The following ARHGEF1 variants were observed in gnomAD, a reference collection of about 807,000 sequenced individuals.
ARHGEF1 encodes the protein Rho guanine nucleotide exchange factor 1, also known as 115 kDa guanine nucleotide exchange factor.
ARHGEF1 carries 40 observed loss-of-function variants against 119.7 expected under a neutral mutation model. The ratio of observed to expected loss-of-function variants is 0.33; its 90% confidence interval spans 0.26 to 0.44. ARHGEF1 has a LOEUF of 0.44. Among genes scored for constraint, ARHGEF1 ranks in the 20% least tolerant of loss-of-function variants. The pLI, the probability that ARHGEF1 is intolerant of heterozygous loss-of-function variation, is 1.00. For synonymous variants in ARHGEF1, 494 were observed against 521.0 expected (o/e 0.95, Z 0.71); for missense variants, 976 against 1,268.3 (o/e 0.77, Z 3.50).
At chr19:41,919,454 ACT>A (rs2145901919), upstream of ARHGEF1, among the ~76,000 whole-genome samples, 1 of 151,828 alleles carries the variant, frequency 6.6e-6, no homozygotes, top group Non-Finnish European at 1.5e-5. Flanking sequence ...ATGAACCAAC[ACT>A]CAAGCTGGTA....
chr19:41,891,690 G>A (rs1365605810), intron 4 of ARHGEF1, among the ~76,000 whole-genome samples: 1 of 152,206 alleles, frequency 6.6e-6, no homozygotes, highest in Non-Finnish European at 1.5e-5. Context: ...CATGTAGAGG[G>A]TGTAGAGCCG....
downstream of ARHGEF1, chr19:41,909,873 G>C: frequency 6.2e-7 from 1 of 1,611,202 alleles, no homozygotes; most frequent in Non-Finnish European, 8.5e-7. The surrounding 1 kb of genome is among the most constrained non-coding windows in gnomAD (Gnocchi z 5.2). Context: ...CGCAGGGCCC[G>C]GCTCAGCTTG....
At chr19:41,884,344 G>C (rs2074260847) in intron 1 of ARHGEF1, 1 of 1,406,730 alleles carries the variant, frequency 7.1e-7, no homozygotes, top group African/African-American at 1.4e-5. Context: ...AGCCGGGCTA[G>C]AGCGGCTGGC....
In ARHGEF1 at chr19:41,892,499, G is replaced by T; in HGVS notation, c.368-104G>T. ...GCCGAGATTCATTCATTCCTTCTTG[G>T]CAGCGGCCTCAGGACGTGTGGCTGT... On this transcript the variant is annotated intron_variant, in intron 6 of 28. Coordinates refer to ENST00000354532, the MANE Select transcript of ARHGEF1 (RefSeq NM_004706.4). The surrounding 1 kb of genome is among the most constrained non-coding windows in gnomAD (Gnocchi z 6.3). The T allele has an allele frequency of 1.9e-6, 3 of 1,583,666 alleles. No homozygotes were observed. Among genetic ancestry groups the T allele is most frequent in the Non-Finnish European group, 1.7e-6 (2 of 1,159,768 alleles).
Position 41,892,950 on chromosome 19 carries a change from G to A in ARHGEF1, c.614+101G>A. ...ATCCCGTTTGCAGGTTCCCTCTTCAGGGTCAGAGTTCATTTCTTGGCACTG... is the reference window on the plus strand; with the variant it reads ...ATCCCGTTTGCAGGTTCCCTCTTCAAGGTCAGAGTTCATTTCTTGGCACTG... On this transcript the variant is annotated intron_variant, in intron 7 of 28. Transcript: ENST00000354532. This position sits in a 1 kb window ranked among gnomAD's most constrained non-coding sequence, Gnocchi z 6.3. 1 of 1,414,906 alleles carries A rather than the reference G, an allele frequency of 7.1e-7. No homozygotes were observed. Among genetic ancestry groups the A allele is most frequent in the Non-Finnish European group, 9.2e-7 (1 of 1,083,040 alleles). 87.6% of individuals were successfully genotyped at this position (1,414,906 alleles called of 1,614,324 possible). A position where few individuals can be genotyped will look rare whatever the true frequency, so the allele number is the denominator to read the frequency against.
At position 41,894,666 on chromosome 19, in the gene ARHGEF1, T is replaced by C; in HGVS notation, c.877+5T>C. ...ACCTCAAAGCAGAGGTTGATGGTAA[T>C]GTACCTGTAGCCATAGCATCCATAC... On this transcript the variant is annotated splice_donor_5th_base_variant and intron_variant, in intron 11 of 28. Transcript: ENST00000354532. 1 of 1,613,988 alleles carries C rather than the reference T, an allele frequency of 6.2e-7. No homozygotes were observed. The highest frequency in any genetic ancestry group is 8.5e-7 in the Non-Finnish European group (1 of 1,179,892).
intron 13 of ARHGEF1, 143 bp downstream of exon 13, chr19:41,896,625 TC>T (rs1235303494): frequency 4.1e-6 from 3 of 727,612 alleles, no homozygotes; most frequent in Non-Finnish European, 7.4e-6. Context: ...GTCTGGCCAT[TC>T]CTCTCCCTTC....
chr19:41,915,229 ACGAGGAGC>A (rs1291586604), intron 18 of ARHGEF1, among the ~76,000 whole-genome samples: 1 of 143,526 alleles, frequency 7.0e-6, no homozygotes, highest in Non-Finnish European at 1.5e-5. Context: ...ACACGTTATA[ACGAGGAGC>A]CGTGGGATCG....
chr19:41,899,977 A>C (rs1485832342), intron 14 of ARHGEF1, among the ~76,000 whole-genome samples: 1 of 151,906 alleles, frequency 6.6e-6, no homozygotes, highest in South Asian at 2.1e-4. Context: ...TGGAAGATGG[A>C]AATGTGCTTT....
intron 1 of ARHGEF1, among the ~76,000 whole-genome samples, chr19:41,924,730 G>A (rs2074861786): frequency 1.3e-5 from 2 of 152,120 alleles, no homozygotes; most frequent in Non-Finnish European, 1.5e-5. Context: ...GGGAACAGGC[G>A]ACACATGTGT....
intron 1 of ARHGEF1, chr19:41,928,563 C>T (rs1455154559): frequency 1.8e-5 from 3 of 165,260 alleles, no homozygotes; most frequent in Non-Finnish European, 3.9e-5. Flanking sequence ...TCGCGGCCGC[C>T]CGGCCGGGCT....
chr19:41,903,918 C>T lies in ARHGEF1; in HGVS notation c.1918-117C>T, dbSNP rs2145856913. ...GAGAGCTCTGTCCCCCACCTCATGC[C>T]AATCCCATGATCCCCAGCCTGTGGT... On this transcript the variant is annotated intron_variant, in intron 20 of 28. Coordinates refer to ENST00000354532, the MANE Select transcript of ARHGEF1 (RefSeq NM_004706.4). This position sits in a 1 kb window ranked among gnomAD's most constrained non-coding sequence, Gnocchi z 4.2. 2 of 1,353,864 alleles carry T rather than the reference C, an allele frequency of 1.5e-6. No homozygotes were observed. Among genetic ancestry groups the T allele is most frequent in the South Asian group, 2.5e-5 (2 of 81,198 alleles). The allele number at this position is 1,353,864 out of a possible 1,614,324, so 83.9% of individuals were successfully genotyped here.
At chr19:41,927,633 C>T (rs2074879349) in intron 1 of ARHGEF1, among the ~76,000 whole-genome samples, 1 of 152,190 alleles carries the variant, frequency 6.6e-6, no homozygotes, top group Non-Finnish European at 1.5e-5. Flanking sequence ...TCAGCCCTGA[C>T]CTCTAAACCC....
chr19:41,906,694 C>T lies in ARHGEF1; in HGVS notation c.2656-9C>T. On this transcript the variant is annotated splice_polypyrimidine_tract_variant and intron_variant, in intron 27 of 28. Transcript: ENST00000354532. This position sits in a 1 kb window ranked among gnomAD's most constrained non-coding sequence, Gnocchi z 4.5. ...GGGCCCCCCTCATCCATGACCCCCA[C>T]CCCACCAGGAGTTGGAGGAGGAATT... 6.2e-7 allele frequency: 1 copy of T among 1,606,542 alleles called. No individual in the cohort carries two copies. Among genetic ancestry groups the T allele is most frequent in the South Asian group, 1.1e-5 (1 of 90,404 alleles).
intron 4 of ARHGEF1, 95 bp from the exon 5 acceptor site, chr19:41,891,929 AG>A (rs2074383747): frequency 1.9e-6 from 2 of 1,046,748 alleles, no homozygotes; most frequent in Non-Finnish European, 1.4e-6. Flanking sequence ...CCACAGCCAT[AG>A]GATGGCCAGG....
At chr19:41,896,330 GT>G in intron 12 of ARHGEF1, 46 bp from the exon 13 acceptor site, 4 of 1,113,610 alleles carry the variant, frequency 3.6e-6, no homozygotes, top group South Asian at 4.5e-5. Flanking sequence ...TGTGGGTCTC[GT>G]GGCCGCAGAG....
intron 18 of ARHGEF1, among the ~76,000 whole-genome samples, chr19:41,914,341 A>C (rs1599673834): frequency 8.3e-5 from 10 of 119,924 alleles, no homozygotes; most frequent in South Asian, 5.5e-4. Context: ...TCTCCCTTCC[A>C]TTTCTGTCTC....
Position 41,888,707 on chromosome 19 carries a change from C to G in ARHGEF1, c.112-45C>G, listed in dbSNP as rs781848760. The G allele has an allele frequency of 3.2e-6, 5 of 1,564,198 alleles. No homozygotes were observed. The highest frequency in any genetic ancestry group is 1.1e-5 in the South Asian group (1 of 89,838). ...GAATGGGTAGGGTCAACCCTAAGGC[C>G]CCTCCTCTTCTCCCCATTGTACTCA... On this transcript the variant is annotated intron_variant, in intron 3 of 28. Coordinates refer to ENST00000354532, the MANE Select transcript of ARHGEF1 (RefSeq NM_004706.4). The surrounding 1 kb of genome is among the most constrained non-coding windows in gnomAD (Gnocchi z 5.1).
intron 18 of ARHGEF1, among the ~76,000 whole-genome samples, chr19:41,914,976 C>T (rs1158190606): frequency 2.5e-5 from 3 of 121,632 alleles, no homozygotes; most frequent in South Asian, 3.0e-4. Context: ...CTCCCTCCCT[C>T]CCCCTCCAGC....
Sources: allele counts gnomAD v4.1 joint callset (sites outside exome capture counted in the v4.1 genomes callset), GRCh38; gene constraint gnomAD v4.1.1; non-coding constraint Gnocchi (gnomAD v3.1); transcripts MANE v1.5; gene names NCBI Gene and HGNC (gene_info 2026-07-23, HGNC 2026-07-21).